The following COL14A1 variants were observed in gnomAD, a reference collection of about 807,000 sequenced individuals.
COL14A1 encodes the protein collagen type XIV alpha 1 chain.
In COL14A1, 136 loss-of-function variants were observed where a neutral mutation model predicts 230.3. That is an observed-to-expected ratio of 0.59 (90% confidence interval 0.51 to 0.68). The LOEUF (loss-of-function observed/expected upper bound fraction) is 0.68. Among genes scored for constraint, COL14A1 ranks in the 30% least tolerant of loss-of-function variants. COL14A1 has a pLI of 0.00. For synonymous variants in COL14A1, 792 were observed against 784.1 expected, an observed-to-expected ratio of 1.01 and a Z score of -0.17; for missense variants, 1,976 against 2,215.8, an observed-to-expected ratio of 0.89 and a Z score of 2.17.
chr8:120,204,887 G>A (rs1454000850), intron 9 of COL14A1, among the ~76,000 whole-genome samples: 1 of 152,088 alleles, frequency 6.6e-6, no homozygotes, highest in African/African-American at 2.4e-5. Context: ...CTCTTCATGT[G>A]GTCTCTCTTG....
At chr8:120,305,243 G>T (rs889157093) in intron 36 of COL14A1, among the ~76,000 whole-genome samples, 2 of 152,134 alleles carry the variant, frequency 1.3e-5, no homozygotes, top group African/African-American at 4.8e-5. Flanking sequence ...GCCTCCCAAA[G>T]TGCTGGGATT....
intron 34 of COL14A1, among the ~76,000 whole-genome samples, chr8:120,295,239 G>C (rs773221383): frequency 2.0e-5 from 3 of 151,886 alleles, no homozygotes; most frequent in Middle Eastern, 3.2e-3. Context: ...AAATGGCATT[G>C]TAAGATTTCA....
intron 42 of COL14A1, among the ~76,000 whole-genome samples, chr8:120,333,771 C>A (rs1469917982): frequency 6.6e-6 from 1 of 152,222 alleles, no homozygotes; most frequent in African/African-American, 2.4e-5. Flanking sequence ...CCTTTTCTAG[C>A]TGCTAAAGGC....
At chr8:120,268,072 A>G (rs576318680) in intron 25 of COL14A1, among the ~76,000 whole-genome samples, 1 of 152,032 alleles carries the variant, frequency 6.6e-6, no homozygotes, top group Admixed American at 6.6e-5. Flanking sequence ...GAGGCAATTA[A>G]GAACTCTAAT....
At chr8:120,275,899 A>G (rs561464230) in intron 26 of COL14A1, among the ~76,000 whole-genome samples, 6 of 152,122 alleles carry the variant, frequency 3.9e-5, no homozygotes, top group Non-Finnish European at 8.8e-5. Flanking sequence ...AATTTAGTAT[A>G]ACCTCTATGG....
intron 5 of COL14A1, among the ~76,000 whole-genome samples, chr8:120,179,508 A>T (rs1404539319): frequency 6.6e-6 from 1 of 152,198 alleles, no homozygotes; most frequent in Non-Finnish European, 1.5e-5. Context: ...CTTCAAGGAG[A>T]ACTACAAATT....
At chr8:120,196,708 G>A (rs1212492789) in intron 5 of COL14A1, 83 bp from the exon 6 acceptor site, 3 of 1,365,552 alleles carry the variant, frequency 2.2e-6, no homozygotes, top group Non-Finnish European at 3.0e-6. Context: ...TTAGCACTAA[G>A]TTGTCTAAAA....
At chr8:120,223,367 G>C (rs1463206445) in intron 14 of COL14A1, among the ~76,000 whole-genome samples, 1 of 152,122 alleles carries the variant, frequency 6.6e-6, no homozygotes, top group Non-Finnish European at 1.5e-5. Flanking sequence ...GTCACTGATA[G>C]TATCATAAAT....
intron 45 of COL14A1, among the ~76,000 whole-genome samples, chr8:120,349,018 C>T (rs1046975838): frequency 1.3e-5 from 2 of 152,148 alleles, no homozygotes; most frequent in Non-Finnish European, 2.9e-5. Context: ...CAGTGGTTCT[C>T]CCAGCACGCA....
At chr8:120,291,577 A>AAAAC (rs1820378898) in intron 34 of COL14A1, among the ~76,000 whole-genome samples, 1 of 151,058 alleles carries the variant, frequency 6.6e-6, no homozygotes, top group African/African-American at 2.4e-5. Context: ...AAAAAAAAAA[A>AAAAC]AAAACCAAAA....
intron 40 of COL14A1, among the ~76,000 whole-genome samples, chr8:120,324,919 T>C (rs1224504693): frequency 1.3e-5 from 2 of 152,116 alleles, no homozygotes; most frequent in Admixed American, 6.5e-5. Context: ...GCACAGCACC[T>C]AGAAACTATA....
chr8:120,147,504 T>C (rs919740537), intron 1 of COL14A1, among the ~76,000 whole-genome samples: 3 of 152,216 alleles, frequency 2.0e-5, no homozygotes, highest in African/African-American at 7.2e-5. Context: ...TAATTTCAGG[T>C]AAAATTATGA....
chr8:120,319,075 T>C lies in COL14A1; in HGVS notation c.4659+3078T>C, dbSNP rs144961639. Among the ~76,000 whole-genome samples, 28 of 152,326 alleles carry C rather than the reference T, an allele frequency of 1.8e-4. No homozygotes were observed. In the East Asian group the frequency reaches 4.0e-3, roughly 22 times the overall value. ...CAGTGTAAGGAGTACATGAGTGTGG[T>C]GTGCAGTAGGAGTGGTGGGCTATTC... On this transcript the variant is annotated intron_variant, in intron 40 of 47. Coordinates refer to ENST00000297848, the MANE Select transcript of COL14A1 (RefSeq NM_021110.4).
At chr8:120,368,644 A>G (rs561526282) in intron 46 of COL14A1, among the ~76,000 whole-genome samples, 1 of 151,776 alleles carries the variant, frequency 6.6e-6, no homozygotes, top group African/African-American at 2.4e-5. Context: ...AATTTCTTCA[A>G]TTCACAACAG....
At chr8:120,189,640 C>T (rs899783748) in intron 5 of COL14A1, among the ~76,000 whole-genome samples, 2 of 128,094 alleles carry the variant, frequency 1.6e-5, no homozygotes, top group African/African-American at 5.8e-5. Flanking sequence ...CCCCCTCCCC[C>T]GACCCCACAA....
At position 120,157,818 on chromosome 8, in the gene COL14A1, TACTAAAA is replaced by T. The variant is rs370898985; in HGVS notation, c.89-310_89-304del. Among the ~76,000 whole-genome samples the T allele has an allele frequency of 7.6e-4, 115 of 152,012 alleles. 1 individual carries two copies. Among genetic ancestry groups the T allele is most frequent in the African/African-American group, 2.7e-3 (112 of 41,478 alleles). On this transcript the variant is annotated intron_variant, in intron 2 of 47. Transcript: ENST00000297848. ...GGCCAAGATGGTGAAACCCCGTCTC[TACTAAAA>T]ATTCAAGAAAATTAGCCGGGCGTGG... is the stretch of plus-strand genomic sequence containing the variant.
chr8:120,234,921 T>A (rs1011789226), intron 19 of COL14A1, among the ~76,000 whole-genome samples: 4 of 152,130 alleles, frequency 2.6e-5, no homozygotes, highest in African/African-American at 9.7e-5. Flanking sequence ...TGTCAGAAAT[T>A]GGCTGTGAAT....
chr8:120,307,084 A>C (rs1820877745), intron 36 of COL14A1, among the ~76,000 whole-genome samples: 2 of 152,228 alleles, frequency 1.3e-5, no homozygotes, highest in Admixed American at 1.3e-4. Flanking sequence ...AGACGACTTC[A>C]TCAAGGACTT....
At chr8:120,186,273 T>C (rs1217514824) in intron 5 of COL14A1, among the ~76,000 whole-genome samples, 1 of 152,214 alleles carries the variant, frequency 6.6e-6, no homozygotes, top group East Asian at 1.9e-4. Context: ...ACAGTAACAG[T>C]GAGCTTCCAA....
Sources: allele counts gnomAD v4.1 joint callset (sites outside exome capture counted in the v4.1 genomes callset), GRCh38; gene constraint gnomAD v4.1.1; transcripts MANE v1.5; gene names NCBI Gene and HGNC (gene_info 2026-07-23, HGNC 2026-07-21).